Variants in SLIT2 observed in about 807,000 individuals in gnomAD.
SLIT2 encodes slit homolog 2 protein.
Under a neutral mutation model 185.7 loss-of-function variants are expected in SLIT2, and 41 were observed. The observed-to-expected ratio is 0.22, with a 90% CI of 0.17 to 0.29. SLIT2 has a LOEUF of 0.29. SLIT2 is among the 10% of genes least tolerant of loss of function. The probability of loss-of-function intolerance (pLI) is 1.00; values close to 1 mark genes in which losing one functional copy is unlikely to be tolerated. For missense variants in SLIT2, 1,571 were observed against 1,909.0 expected, an observed-to-expected ratio of 0.82 and a Z score of 3.30; for synonymous variants, 693 against 680.2, an observed-to-expected ratio of 1.02 and a Z score of -0.29.
intron 25 of SLIT2, among the ~76,000 whole-genome samples, 197 bp from the exon 26 acceptor site, chr4:20,553,608 G>C (rs1394560598): frequency 6.6e-6 from 1 of 152,168 alleles, no homozygotes; most frequent in Non-Finnish European, 1.5e-5. Flanking sequence ...CATCATTCAG[G>C]AAAATGGGGA....
intron 9 of SLIT2, among the ~76,000 whole-genome samples, chr4:20,506,090 TA>T (rs1719182431): frequency 6.6e-6 from 1 of 152,024 alleles, no homozygotes; most frequent in South Asian, 2.1e-4. Flanking sequence ...CATGTGTGTG[TA>T]TATGTAAACA....
chr4:20,549,557 A>C (rs1019830828), intron 24 of SLIT2, among the ~76,000 whole-genome samples: 1 of 151,926 alleles, frequency 6.6e-6, no homozygotes, highest in Non-Finnish European at 1.5e-5. Context: ...CCTGCCTCAG[A>C]ATTTACAGTT....
chr4:20,554,053 G>T, intron 26 of SLIT2, 85 bp downstream of exon 26: 3 of 1,177,086 alleles, frequency 2.5e-6, no homozygotes, highest in Non-Finnish European at 1.2e-6. Flanking sequence ...CAATCCAAAG[G>T]TATGGTTGAA....
intron 4 of SLIT2, among the ~76,000 whole-genome samples, chr4:20,402,573 A>G (rs2109402470): frequency 6.6e-6 from 1 of 152,000 alleles, no homozygotes; most frequent in East Asian, 1.9e-4. Context: ...TTATTGTGAT[A>G]AGGGAGAAAA....
At chr4:20,398,972 T>C (rs1726145560) in intron 4 of SLIT2, among the ~76,000 whole-genome samples, 1 of 151,690 alleles carries the variant, frequency 6.6e-6, no homozygotes, top group Non-Finnish European at 1.5e-5. Flanking sequence ...AAGACAGTCA[T>C]TGAATTCAAA....
intron 26 of SLIT2, among the ~76,000 whole-genome samples, chr4:20,562,581 G>A (rs537076199): frequency 6.6e-5 from 10 of 151,666 alleles, no homozygotes; most frequent in Non-Finnish European, 1.3e-4. Flanking sequence ...AGAAATTCAG[G>A]CATTTCACTT....
At position 20,314,725 on chromosome 4, in the gene SLIT2, G is replaced by T. The variant is rs75918140; in HGVS notation, c.395+45844G>T. 0.011 allele frequency among the ~76,000 whole-genome samples: 1,623 copies of T among 152,040 alleles called. 70 individuals carry two copies. The East Asian group carries it at 0.13, about 12-fold the overall frequency. On this transcript the variant is annotated intron_variant, in intron 4 of 36. Coordinates refer to ENST00000504154, the MANE Select transcript of SLIT2 (RefSeq NM_004787.4). ...GAGGTCTTATGACTTTATTTAAAAAGACAAACAATATAAGGGAAATTGAAA... is the reference window on the plus strand; with the variant it reads ...GAGGTCTTATGACTTTATTTAAAAATACAAACAATATAAGGGAAATTGAAA...
At position 20,572,474 on chromosome 4, in the gene SLIT2, T is replaced by A. The variant is rs548039785; in HGVS notation, c.3088+3470T>A. On this transcript the variant is annotated intron_variant, in intron 29 of 36. Transcript: ENST00000504154. ...TTGATTTTTTGTTTGGTTATTTTTT[T>A]AAAATCATGATCATCTTCTTTCTAA... Among the ~76,000 whole-genome samples, 4 of 152,312 alleles carry A rather than the reference T, an allele frequency of 2.6e-5. No individual in the cohort carries two copies. In the East Asian group the frequency reaches 5.8e-4, roughly 22 times the overall value.
rs547473185 is a variant in SLIT2, at chr4:20,434,149, A to C, written c.396-33603A>C. On this transcript the variant is annotated intron_variant, in intron 4 of 36. Coordinates refer to ENST00000504154, the MANE Select transcript of SLIT2 (RefSeq NM_004787.4). The stretch of plus-strand genomic sequence containing the variant: ...CCGACCCTAAAGGGTATGACACAGC[A>C]CAGGTTGGGATGCATGCAGGGAGTG... 3.5e-4 allele frequency among the ~76,000 whole-genome samples: 54 copies of C among 152,280 alleles called. No homozygotes were observed. In the East Asian group the frequency reaches 9.7e-3, roughly 27 times the overall value.
At chr4:20,338,434 T>A (rs1407464427) in intron 4 of SLIT2, among the ~76,000 whole-genome samples, 1 of 152,170 alleles carries the variant, frequency 6.6e-6, no homozygotes, top group Non-Finnish European at 1.5e-5. Context: ...GATGTTAGCT[T>A]TGAAGCAGGG....
At chr4:20,586,572 T>A (rs1727082478) in intron 29 of SLIT2, among the ~76,000 whole-genome samples, 1 of 152,214 alleles carries the variant, frequency 6.6e-6, no homozygotes, top group Non-Finnish European at 1.5e-5. Context: ...AACCTTACCT[T>A]ATATGCTTGT....
intron 4 of SLIT2, among the ~76,000 whole-genome samples, chr4:20,451,572 T>C (rs1339919633): frequency 6.6e-6 from 1 of 152,240 alleles, no homozygotes; most frequent in Non-Finnish European, 1.5e-5. Flanking sequence ...CATCAGTGAA[T>C]ATCTCTCAAA....
In SLIT2 at chr4:20,350,099, G is replaced by T. The variant is rs775769211; in HGVS notation, c.395+81218G>T. On this transcript the variant is annotated intron_variant, in intron 4 of 36. Transcript: ENST00000504154. ...ATATATTGGCATAAATTACTAAGAG[G>T]TAGGCATCATGTACTTCTTGTTCAG... Among the ~76,000 whole-genome samples the T allele has an allele frequency of 2.6e-5, 4 of 152,104 alleles. No individual in the cohort carries two copies. The East Asian group carries it at 5.8e-4, about 22-fold the overall frequency.
intron 4 of SLIT2, among the ~76,000 whole-genome samples, chr4:20,460,227 A>G (rs1339407089): frequency 2.0e-5 from 3 of 151,910 alleles, no homozygotes; most frequent in Non-Finnish European, 2.9e-5. Context: ...GGTGTACCAC[A>G]TGCCAGTAAT....
At chr4:20,261,594 G>A (rs1252330548) in intron 3 of SLIT2, among the ~76,000 whole-genome samples, 1 of 151,662 alleles carries the variant, frequency 6.6e-6, no homozygotes, top group Non-Finnish European at 1.5e-5. Context: ...ATCATGTCAG[G>A]GTTCCACTAG....
intron 29 of SLIT2, among the ~76,000 whole-genome samples, chr4:20,584,288 A>T (rs1191540887): frequency 6.6e-6 from 1 of 152,208 alleles, no homozygotes; most frequent in African/African-American, 2.4e-5. Context: ...ACAATAATAC[A>T]ACTAACCAAA....
intron 3 of SLIT2, among the ~76,000 whole-genome samples, chr4:20,260,921 C>T (rs1712390519): frequency 7.7e-6 from 1 of 130,114 alleles, no homozygotes; most frequent in African/African-American, 3.9e-5. Flanking sequence ...TTTCTTTCTT[C>T]CTTACCTCTC....
intron 4 of SLIT2, among the ~76,000 whole-genome samples, chr4:20,463,448 G>GATATATATATATATAT (rs56256520): frequency 1.3e-4 from 9 of 67,314 alleles, no homozygotes; most frequent in Middle Eastern, 9.4e-3. Context: ...CTCAAACTGT[G>GATATATATATATATAT]ATATATATAT....
chr4:20,427,576 A>G (rs1181164682), intron 4 of SLIT2, among the ~76,000 whole-genome samples: 1 of 152,086 alleles, frequency 6.6e-6, no homozygotes, highest in Non-Finnish European at 1.5e-5. Flanking sequence ...GCTGCAGGCC[A>G]GTGTTCTTGT....
Sources: allele counts gnomAD v4.1 joint callset (sites outside exome capture counted in the v4.1 genomes callset), GRCh38; gene constraint gnomAD v4.1.1; transcripts MANE v1.5; gene names NCBI Gene and HGNC (gene_info 2026-07-23, HGNC 2026-07-21).